PTPN22: variants seen among roughly 807,000 people sequenced by gnomAD.
PTPN22 encodes tyrosine-protein phosphatase non-receptor type 22.
In PTPN22, 85 loss-of-function variants were observed where a neutral mutation model predicts 103.3. That is an observed-to-expected ratio of 0.82 (90% confidence interval 0.69 to 0.99). The LOEUF (loss-of-function observed/expected upper bound fraction) is 0.99, where lower values mean the gene tolerates loss of function less well. PTPN22 is among the 50% of genes least tolerant of loss of function. The pLI is 0.00. For synonymous variants in PTPN22, 323 were observed against 310.2 expected (o/e 1.04, Z -0.43); for missense variants, 865 against 936.9 (o/e 0.92, Z 1.00).
rs1256050368 is a variant in PTPN22, at chr1:113,829,711, A to C, written c.2135-4T>G. On this transcript the variant is annotated splice_polypyrimidine_tract_variant and splice_region_variant and intron_variant, in intron 17 of 20. Coordinates refer to ENST00000359785, the Ensembl canonical transcript of PTPN22. ...TCTATAGATTGGGCCTGCATACCTT[A>C]AAAAAAAAAAAGGAGAAAAACATGT... is the stretch of plus-strand genomic sequence containing the variant. 1.3e-5 allele frequency: 1 copy of C among 79,522 alleles called. No homozygotes were observed. The highest frequency in any genetic ancestry group is 1.8e-4 in the Admixed American group (1 of 5,688). 4.9% of individuals were successfully genotyped at this position (79,522 alleles called of 1,614,324 possible).
chr1:113,837,408 C>G (rs920669906), intron 13 of PTPN22, among the ~76,000 whole-genome samples, 182 bp downstream of exon 13: 9 of 150,708 alleles, frequency 6.0e-5, no homozygotes, highest in East Asian at 5.9e-4. Context: ...CAAGATTGCA[C>G]CACTGCACTC....
exon 8 of PTPN22, chr1:113,854,949 C>A: frequency 6.2e-7 from 1 of 1,612,566 alleles, no homozygotes; most frequent in East Asian, 2.2e-5. Context: ...CTCTTGGTAA[C>A]AACGTACATC....
chr1:113,829,457 T>C (rs2101919406), intron 18 of PTPN22, 135 bp downstream of exon 18: 2 of 514,210 alleles, frequency 3.9e-6, no homozygotes, highest in East Asian at 3.1e-5. Context: ...TTCTATTAAT[T>C]TTGACTGTTA....
At position 113,871,673 on chromosome 1, in the gene PTPN22, C is replaced by A; in HGVS notation, c.-50G>T. The A allele has an allele frequency of 6.5e-7, 1 of 1,539,924 alleles. No individual in the cohort carries two copies. The highest frequency in any genetic ancestry group is 1.1e-5 in the South Asian group (1 of 89,558). On this transcript the variant is annotated 5_prime_UTR_variant, in exon 1 of 21. An upstream open reading frame in the 5' UTR loses its in-frame stop. Coordinates refer to ENST00000359785, the Ensembl canonical transcript of PTPN22. ...ATAAGTAGGTTGAGGGAGGGCATGTCAAATGTGTGTCATGGCCGAGACACC... is the reference window on the plus strand; with the variant it reads ...ATAAGTAGGTTGAGGGAGGGCATGTAAAATGTGTGTCATGGCCGAGACACC...
chr1:113,835,700 T>C (rs1662945579), intron 13 of PTPN22, among the ~76,000 whole-genome samples: 1 of 152,046 alleles, frequency 6.6e-6, no homozygotes, highest in Non-Finnish European at 1.5e-5. Flanking sequence ...GTGTAAAAGG[T>C]TCAGTTATAC....
At chr1:113,833,066 C>A in intron 16 of PTPN22, 45 bp downstream of exon 16, 1 of 1,522,456 alleles carries the variant, frequency 6.6e-7, no homozygotes, top group Admixed American at 1.8e-5. Flanking sequence ...ACCATTCTTC[C>A]AATCTTAGGG....
At chr1:113,871,477 C>T in intron 1 of PTPN22, 60 bp downstream of exon 1, 1 of 1,390,118 alleles carries the variant, frequency 7.2e-7, no homozygotes, top group Admixed American at 1.8e-5. Context: ...AAAATTGGAC[C>T]CCCATAGTCA....
chr1:113,835,017 G>A (rs751667862), intron 13 of PTPN22, 24 bp from the exon 14 acceptor site: 41 of 1,410,946 alleles, frequency 2.9e-5, no homozygotes, highest in Non-Finnish European at 3.9e-5. Context: ...CAAAAATATT[G>A]TAACAATTGT....
intron 1 of PTPN22, among the ~76,000 whole-genome samples, chr1:113,860,522 T>C (rs1489918761): frequency 1.3e-5 from 2 of 152,186 alleles, no homozygotes; most frequent in Non-Finnish European, 2.9e-5. Flanking sequence ...TGAACTGATA[T>C]CTTTTTGTTT....
chr1:113,854,222 CAT>C lies in PTPN22; in HGVS notation c.750+247_750+248del, dbSNP rs1664857175. Among the ~76,000 whole-genome samples, 3 of 152,150 alleles carry C rather than the reference CAT, an allele frequency of 2.0e-5. No homozygotes were observed. In the South Asian group the frequency reaches 6.2e-4, roughly 32 times the overall value. ...AAAGAGGTGAAATTAATTTTAATAA[CAT>C]ATCTTAGCCCAATATATATTGCATT... On this transcript the variant is annotated intron_variant, in intron 9 of 20. Coordinates refer to ENST00000359785, the Ensembl canonical transcript of PTPN22.
intron 11 of PTPN22, among the ~76,000 whole-genome samples, chr1:113,841,651 A>G (rs1430073292): frequency 2.0e-5 from 3 of 147,884 alleles, no homozygotes; most frequent in Admixed American, 6.8e-5. Flanking sequence ...CACCCAGGCT[A>G]GAGTGCAGTG....
At chr1:113,831,816 G>A (rs77674689) in intron 16 of PTPN22, among the ~76,000 whole-genome samples, 102 of 152,268 alleles carry the variant, frequency 6.7e-4, no homozygotes, top group African/African-American at 2.3e-3. Context: ...GGTTCCACGT[G>A]AGTATTAATT....
intron 13 of PTPN22, 121 bp downstream of exon 13, chr1:113,837,469 A>G (rs374431207): frequency 1.3e-5 from 10 of 755,104 alleles, no homozygotes; most frequent in East Asian, 2.9e-5. Context: ...AAAGAAAAAA[A>G]AGAGAAAAAA....
At chr1:113,825,536 A>G (rs149179140) in intron 18 of PTPN22, among the ~76,000 whole-genome samples, 1,843 of 152,238 alleles carry the variant, frequency 0.012, 48 homozygotes, top group African/African-American at 0.043. Flanking sequence ...CTGTCCCTAC[A>G]AAAAGTAAAA....
chr1:113,834,284 G>GT (rs757962074), intron 15 of PTPN22, 25 bp downstream of exon 15: 39 of 1,607,306 alleles, frequency 2.4e-5, no homozygotes, highest in Admixed American at 1.8e-4. Context: ...ATCTAAATGA[G>GT]TAGAGTCATT....
chr1:113,857,575 A>G (rs1665188935), intron 5 of PTPN22, 163 bp downstream of exon 5: 1 of 611,400 alleles, frequency 1.6e-6, no homozygotes. Flanking sequence ...TCTTAGGAGA[A>G]AAAAAAAATC....
Position 113,858,084 on chromosome 1 carries a change from G to T in PTPN22, c.370-308C>A, listed in dbSNP as rs181820421. On this transcript the variant is annotated intron_variant, in intron 4 of 20. Coordinates refer to ENST00000359785, the Ensembl canonical transcript of PTPN22. ...AAAACTTATTTATTTTTGAGACAGG[G>T]TCTCATTCTGTCACCCAGGCTGGAG... 3.0e-4 allele frequency: 60 copies of T among 200,642 alleles called. No homozygotes were observed. The East Asian group carries it at 6.4e-3, about 21-fold the overall frequency. 12.4% of individuals were successfully genotyped at this position (200,642 alleles called of 1,614,324 possible).
At chr1:113,871,460 G>T in intron 1 of PTPN22, 77 bp downstream of exon 1, 1 of 1,212,338 alleles carries the variant, frequency 8.2e-7, no homozygotes, top group Non-Finnish European at 1.2e-6. Flanking sequence ...GAGCAATTTG[G>T]TCTCGGAAAA....
At chr1:113,821,727 G>A (rs773463838) in intron 19 of PTPN22, among the ~76,000 whole-genome samples, 3 of 152,232 alleles carry the variant, frequency 2.0e-5, no homozygotes, top group African/African-American at 4.8e-5. Context: ...TTCAGTTCCC[G>A]TGCTTCCATT....
Sources: gnomAD v4.1 joint callset for allele counts (sites outside exome capture counted in the v4.1 genomes callset) on GRCh38, gnomAD v4.1.1 for gene constraint, MANE v1.5 for transcripts, NCBI Gene and HGNC (gene_info 2026-07-23, HGNC 2026-07-21) for gene names.